VPS9D1: variants seen among roughly 807,000 people sequenced by gnomAD.
VPS9D1 encodes VPS9 domain containing 1, also known as VPS9 domain-containing protein 1.
In VPS9D1, 78 loss-of-function variants were observed where a neutral mutation model predicts 75.8. The ratio of observed to expected loss-of-function variants is 1.03; its 90% CI spans 0.86 to 1.24. The LOEUF (loss-of-function observed/expected upper bound fraction) is 1.24, where lower values mean the gene tolerates loss of function less well. VPS9D1 is among the 50% of genes most tolerant of loss of function. The pLI, the probability that VPS9D1 is intolerant of heterozygous loss-of-function variation, is 0.00. For synonymous variants in VPS9D1, 481 were observed against 385.6 expected (o/e 1.25, Z -2.90); for missense variants, 1,057 against 847.7 (o/e 1.25, Z -3.07).
chr16:89,711,220 G>A (rs1290083678), intron 9 of VPS9D1, 107 bp downstream of exon 9: 2 of 1,324,638 alleles, frequency 1.5e-6, no homozygotes, highest in African/African-American at 1.5e-5. Flanking sequence ...CACGTGGCCG[G>A]GCACAGGCTC....
rs2151624075 is a variant in VPS9D1, at chr16:89,710,944, A to G, written c.900T>C (p.Tyr300=). 6.8e-7 allele frequency: 1 copy of G among 1,475,980 alleles called. No homozygotes were observed. The highest frequency in any genetic ancestry group is 2.4e-5 in the Admixed American group (1 of 42,322). 91.4% of individuals were successfully genotyped at this position (1,475,980 alleles called of 1,614,324 possible). ...GCGCGGCTGCTCTGCTCACGGCGGG[A>G]TACAGGGCGCTGTACACGGAGCACT... ...RLQCSVYSAL[Y]PAVSRAAAPA... Residue 300 remains tyrosine, a synonymous_variant, in exon 10 of 15, where the codon TAT becomes TAC. Transcript: ENST00000389386.
In VPS9D1 at chr16:89,710,072, T is replaced by A. The variant is rs575315864; in HGVS notation, c.1259-166A>T. On this transcript the variant is annotated intron_variant, in intron 10 of 14. Transcript: ENST00000389386. The stretch of plus-strand genomic sequence containing the variant: ...CGGCCCAGGGCAGGGAGTCCGGGAC[T>A]GGAAACGGTCACCTACAGCTGCTGC... 1.6e-3 allele frequency among the ~76,000 whole-genome samples: 245 copies of A among 152,282 alleles called. 1 individual carries two copies. Among genetic ancestry groups the A allele is most frequent in the African/African-American group, 5.6e-3 (234 of 41,552 alleles).
rs1309447533 is a variant in VPS9D1, at chr16:89,716,805, G to A, written c.193C>T (p.Pro65Ser). The A allele has an allele frequency of 2.5e-6, 4 of 1,592,524 alleles. No individual in the cohort carries two copies. The highest frequency in any genetic ancestry group is 1.9e-4 in the Middle Eastern group (1 of 5,274). The change falls in exon 3 of 15, where the codon CCC (proline) becomes TCC (serine). Residue 65 changes from proline to serine, a missense_variant. Physicochemically the swap from Pro to Ser is moderately conservative, Grantham distance 74. Transcript: ENST00000389386. ...ETTKEAGETVPPDTSKMLKLA... is the reference protein window; with the variant it reads ...ETTKEAGETVSPDTSKMLKLA... ...TTCAGCATCTTGGAGGTGTCGGGGG[G>A]CACAGTTTCCCCAGCTTCTGGGGGA...
Position 89,710,851 on chromosome 16 carries a change from G to T in VPS9D1, c.993C>A (p.Leu331=). 6.6e-7 allele frequency: 1 copy of T among 1,517,016 alleles called. No individual in the cohort carries two copies. The highest frequency in any genetic ancestry group is 2.5e-5 in the East Asian group (1 of 40,382). The allele number at this position is 1,517,016 out of a possible 1,614,324, so 94.0% of individuals were successfully genotyped here. A position where few individuals can be genotyped will look rare whatever the true frequency, so the allele number is the denominator to read the frequency against. ...GCTCGGGCGGGGACAGCATGCAATGGAGGCTCTGCGAGGGCCGCAGCCGTC... is the reference window on the plus strand; with the variant it reads ...GCTCGGGCGGGGACAGCATGCAATGTAGGCTCTGCGAGGGCCGCAGCCGTC... ...GSRRLRPSQS[L]HCMLSPPEPS... is the part of the protein sequence containing the mutation. The change falls in exon 10 of 15, where the codon CTC becomes CTA. Residue 331 remains leucine (L), a synonymous_variant. Transcript: ENST00000389386.
intron 1 of VPS9D1, 100 bp downstream of exon 1, chr16:89,720,663 A>C: frequency 8.1e-7 from 1 of 1,238,668 alleles, no homozygotes; most frequent in Non-Finnish European, 1.0e-6. Context: ...GCCCGCTCCC[A>C]AGTCTCCAGC....
chr16:89,716,638 G>A lies in VPS9D1; in HGVS notation c.269-14C>T, dbSNP rs1597926920. 6.2e-7 allele frequency: 1 copy of A among 1,611,084 alleles called. No individual in the cohort carries two copies. Among genetic ancestry groups the A allele is most frequent in the Non-Finnish European group, 8.5e-7 (1 of 1,177,802 alleles). On this transcript the variant is annotated splice_polypyrimidine_tract_variant and intron_variant, in intron 3 of 14. Transcript: ENST00000389386. ...GGCGTGTTTTCCCTGCAAGCCATGGGTAACCAGGGGTCAAGCGGTGGGCCA... is the reference window on the plus strand; with the variant it reads ...GGCGTGTTTTCCCTGCAAGCCATGGATAACCAGGGGTCAAGCGGTGGGCCA...
chr16:89,711,604 G>A (rs2060923644), intron 8 of VPS9D1, 192 bp from the exon 9 acceptor site: 1 of 656,926 alleles, frequency 1.5e-6, no homozygotes, highest in Non-Finnish European at 2.6e-6. Context: ...CGAACCCTGG[G>A]CCTGCACCCT....
At chr16:89,709,460 A>G (rs756373971) in intron 11 of VPS9D1, 25 bp from the exon 12 acceptor site, 16 of 1,497,190 alleles carry the variant, frequency 1.1e-5, no homozygotes, top group Non-Finnish European at 1.2e-5. Context: ...GGCCAGGCTA[A>G]GCTGCCCCAG....
At chr16:89,717,580 A>C (rs1316437819) in intron 2 of VPS9D1, 1 of 456,192 alleles carries the variant, frequency 2.2e-6, no homozygotes, top group Non-Finnish European at 4.4e-6. Context: ...TGCCCTTCAC[A>C]GAAAACTTCT....
intron 10 of VPS9D1, 21 bp downstream of exon 10, chr16:89,710,565 C>T (rs758158042): frequency 2.9e-5 from 46 of 1,573,280 alleles, no homozygotes; most frequent in Non-Finnish European, 3.9e-5. Flanking sequence ...GGCGGCTCTC[C>T]CAGGGAGGGC....
intron 4 of VPS9D1, among the ~76,000 whole-genome samples, chr16:89,714,374 C>G (rs1231863651): frequency 1.3e-5 from 2 of 152,172 alleles, no homozygotes; most frequent in African/African-American, 4.8e-5. Flanking sequence ...CTATGTGGGT[C>G]AAACAGCCAG....
At chr16:89,711,796 C>CCT in intron 8 of VPS9D1, 86 bp downstream of exon 8, 1 of 1,459,396 alleles carries the variant, frequency 6.9e-7, no homozygotes, top group Non-Finnish European at 9.3e-7. Flanking sequence ...CTGGCTCCGC[C>CCT]CCCCACGGGG....
intron 6 of VPS9D1, 137 bp from the exon 7 acceptor site, chr16:89,712,236 G>A (rs994052320): frequency 1.4e-6 from 2 of 1,386,118 alleles, no homozygotes; most frequent in African/African-American, 2.9e-5. Flanking sequence ...AGGCTTCTGG[G>A]GCAGAAGGCA....
chr16:89,710,494 C>A, intron 10 of VPS9D1, 92 bp downstream of exon 10: 8 of 1,394,962 alleles, frequency 5.7e-6, no homozygotes, highest in Non-Finnish European at 7.7e-6. Context: ...AGTCTCTGAT[C>A]AACAGACCCT....
At chr16:89,717,258 A>C in intron 2 of VPS9D1, 1 of 312,186 alleles carries the variant, frequency 3.2e-6, no homozygotes, top group Non-Finnish European at 6.3e-6. Flanking sequence ...GAGTCTGCTA[A>C]GGCTGTGGGC....
chr16:89,707,960 T>G lies in VPS9D1; in HGVS notation c.1803-6A>C, dbSNP rs1182150267. On this transcript the variant is annotated splice_polypyrimidine_tract_variant and splice_region_variant and intron_variant, in intron 14 of 14. Transcript: ENST00000389386. The stretch of plus-strand genomic sequence containing the variant: ...CCTCCTCTCCGATCAGGTACCTGCA[T>G]GGATGGCAGGGGCAGCCGGTGTCAT... 11 of 1,612,218 alleles carry G rather than the reference T, an allele frequency of 6.8e-6. No individual in the cohort carries two copies. Among genetic ancestry groups the G allele is most frequent in the Non-Finnish European group, 6.8e-6 (8 of 1,179,330 alleles).
At chr16:89,711,624 C>G in intron 8 of VPS9D1, 2 of 654,162 alleles carry the variant, frequency 3.1e-6, no homozygotes, top group Non-Finnish European at 5.1e-6. Context: ...TCGCTGGGAC[C>G]CTCCCTCCTC....
chr16:89,713,329 A>G (rs2060984028), intron 4 of VPS9D1, among the ~76,000 whole-genome samples: 2 of 150,904 alleles, frequency 1.3e-5, no homozygotes, highest in South Asian at 4.2e-4. Context: ...ATCTCGGCTC[A>G]CTGCAAACTC....
At chr16:89,713,804 T>C (rs554911989) in intron 4 of VPS9D1, among the ~76,000 whole-genome samples, 1 of 151,618 alleles carries the variant, frequency 6.6e-6, no homozygotes, top group African/African-American at 2.4e-5. Context: ...GTCAGGAGAT[T>C]GAGACCATCC....
Sources: gnomAD v4.1 joint callset for allele counts (sites outside exome capture counted in the v4.1 genomes callset) on GRCh38, gnomAD v4.1.1 for gene constraint, MANE v1.5 for transcripts, NCBI Gene and HGNC (gene_info 2026-07-23, HGNC 2026-07-21) for gene names.